The following NBAS variants were observed in gnomAD, a reference collection of about 807,000 sequenced individuals.
NBAS encodes NBAS subunit of NRZ tethering complex, also known as NAG/BC035112 fusion.
Under a neutral mutation model 302.5 loss-of-function variants are expected in NBAS, and 219 were observed. The ratio of observed to expected loss-of-function variants is 0.72; its 90% CI spans 0.65 to 0.81. The LOEUF (loss-of-function observed/expected upper bound fraction) is 0.81, where lower values mean the gene tolerates loss of function less well. Among genes scored for constraint, NBAS ranks in the 30% least tolerant of loss-of-function variants. The pLI is 0.00. For missense variants in NBAS, 2,932 were observed against 2,841.6 expected, an observed-to-expected ratio of 1.03 and a Z score of -0.72; for synonymous variants, 1,118 against 1,021.6, an observed-to-expected ratio of 1.09 and a Z score of -1.80.
the NBAS span, among the ~76,000 whole-genome samples, chr2:14,949,108 C>T: frequency 6.8e-4 from 104 of 152,218 alleles, no homozygotes; most frequent in African/African-American, 2.4e-3. Context: ...GGATTACAGA[C>T]TTAAACTAAG....
the NBAS span, among the ~76,000 whole-genome samples, chr2:14,901,474 G>A: frequency 2.0e-5 from 3 of 151,784 alleles, no homozygotes; most frequent in Non-Finnish European, 2.9e-5. Context: ...TTTTTTAAGT[G>A]GTAAAAGAGC....
At chr2:15,409,267 T>C (rs1033613947) in intron 25 of NBAS, among the ~76,000 whole-genome samples, 7 of 152,206 alleles carry the variant, frequency 4.6e-5, no homozygotes, top group Non-Finnish European at 8.8e-5. Context: ...TACATCTAAA[T>C]ATAGGCTGAA....
At chr2:15,402,940 T>C (rs560822970) in intron 25 of NBAS, among the ~76,000 whole-genome samples, 11 of 152,186 alleles carry the variant, frequency 7.2e-5, no homozygotes, top group African/African-American at 2.6e-4. Flanking sequence ...AACCAATTGA[T>C]TTTTTTCTCA....
At chr2:15,121,842 A>G in the NBAS span, among the ~76,000 whole-genome samples, 1 of 152,186 alleles carries the variant, frequency 6.6e-6, no homozygotes, top group Non-Finnish European at 1.5e-5. Flanking sequence ...CTAATTCACA[A>G]ATCGGGGTTT....
At chr2:15,021,313 G>T in the NBAS span, among the ~76,000 whole-genome samples, 1 of 151,922 alleles carries the variant, frequency 6.6e-6, no homozygotes, top group African/African-American at 2.4e-5. Flanking sequence ...CAGTAGGAGA[G>T]ACCAAGGTAT....
the NBAS span, among the ~76,000 whole-genome samples, chr2:14,906,634 A>G: frequency 6.6e-6 from 1 of 152,270 alleles, no homozygotes; most frequent in South Asian, 2.1e-4. Flanking sequence ...ACAGGGGCAG[A>G]AGCCCTGGGG....
chr2:14,869,873 C>A, the NBAS span, among the ~76,000 whole-genome samples: 9 of 152,196 alleles, frequency 5.9e-5, no homozygotes, highest in Admixed American at 5.9e-4. Context: ...TCATCACAGC[C>A]AGGATGCTAA....
intron 6 of NBAS, among the ~76,000 whole-genome samples, chr2:15,541,698 T>G (rs1414248078): frequency 6.6e-6 from 1 of 151,678 alleles, no homozygotes; most frequent in East Asian, 1.9e-4. Flanking sequence ...TTCTAAAAAA[T>G]CAATTCCCTG....
At chr2:15,498,954 G>A (rs1384880021) in intron 11 of NBAS, among the ~76,000 whole-genome samples, 1 of 141,612 alleles carries the variant, frequency 7.1e-6, no homozygotes, top group Non-Finnish European at 1.5e-5. Flanking sequence ...TTTTGAGACA[G>A]TCTTGCTCCA....
chr2:15,116,754 A>G, the NBAS span, among the ~76,000 whole-genome samples: 2 of 152,354 alleles, frequency 1.3e-5, no homozygotes, highest in African/African-American at 4.8e-5. Context: ...TAAAAGCATT[A>G]TTACATCACA....
chr2:15,281,876 C>T (rs1455380816), intron 42 of NBAS, among the ~76,000 whole-genome samples: 1 of 152,140 alleles, frequency 6.6e-6, no homozygotes, highest in African/African-American at 2.4e-5. Context: ...ATGAAGGTTA[C>T]AAGTTACAGA....
At chr2:15,424,949 G>A (rs1239904657) in intron 22 of NBAS, among the ~76,000 whole-genome samples, 1 of 152,084 alleles carries the variant, frequency 6.6e-6, no homozygotes, top group African/African-American at 2.4e-5. Flanking sequence ...CCTTATTTAT[G>A]TTGATAATAT....
chr2:15,051,427 G>A, the NBAS span, among the ~76,000 whole-genome samples: 19 of 152,160 alleles, frequency 1.2e-4, no homozygotes, highest in Admixed American at 7.2e-4. Flanking sequence ...CAGAAGCACA[G>A]GATTTTAAGG....
At chr2:15,041,563 C>T in the NBAS span, among the ~76,000 whole-genome samples, 1 of 152,162 alleles carries the variant, frequency 6.6e-6, no homozygotes, top group Non-Finnish European at 1.5e-5. Context: ...TGGGGAGGGC[C>T]GGCAGGAAAA....
the NBAS span, among the ~76,000 whole-genome samples, chr2:15,007,271 G>T: frequency 6.6e-6 from 1 of 152,238 alleles, no homozygotes; most frequent in Non-Finnish European, 1.5e-5. Flanking sequence ...CCACATAATG[G>T]GTAATTCCAC....
chr2:15,186,484 AG>A (rs1665093028), intron 50 of NBAS, among the ~76,000 whole-genome samples: 3 of 152,168 alleles, frequency 2.0e-5, no homozygotes, highest in Non-Finnish European at 4.4e-5. Context: ...TTGACAAAAA[AG>A]GGCATCCAGA....
chr2:14,993,722 C>A, the NBAS span, among the ~76,000 whole-genome samples: 1 of 152,162 alleles, frequency 6.6e-6, no homozygotes, highest in Non-Finnish European at 1.5e-5. Context: ...AAAACTAAAT[C>A]CAACTCAAAC....
At chr2:14,882,921 C>A in the NBAS span, among the ~76,000 whole-genome samples, 1 of 152,178 alleles carries the variant, frequency 6.6e-6, no homozygotes, top group South Asian at 2.1e-4. Context: ...TCTTCAGCTG[C>A]CTATCCACAG....
chr2:15,179,477 T>G (rs1664719656), intron 50 of NBAS: 3 of 255,808 alleles, frequency 1.2e-5, no homozygotes, highest in South Asian at 1.1e-4. Flanking sequence ...GTTTTGTGTT[T>G]TGTGTGTGTG....
Sources: gnomAD v4.1 joint callset for allele counts (sites outside exome capture counted in the v4.1 genomes callset) on GRCh38, gnomAD v4.1.1 for gene constraint, MANE v1.5 for transcripts, NCBI Gene and HGNC (gene_info 2026-07-23, HGNC 2026-07-21) for gene names.